ZNF493: variants seen among roughly 807,000 people sequenced by gnomAD.
ZNF493 encodes zinc finger protein 493.
ZNF493 carries 11 observed loss-of-function variants against 12.2 expected under a neutral mutation model. The ratio of observed to expected loss-of-function variants is 0.90; its 90% CI spans 0.57 to 1.50. ZNF493 has a LOEUF of 1.50. ZNF493 is among the 40% of genes most tolerant of loss of function. The pLI, the probability that ZNF493 is intolerant of heterozygous loss-of-function variation, is 0.00. For synonymous variants in ZNF493, 286 were observed against 302.6 expected, an observed-to-expected ratio of 0.95 and a Z score of 0.57; for missense variants, 950 against 906.6, an observed-to-expected ratio of 1.05 and a Z score of -0.61.
At chr19:21,412,346 C>T (rs1364226200) in intron 3 of ZNF493, 2 of 152,328 alleles carry the variant, frequency 1.3e-5, no homozygotes, top group East Asian at 3.9e-4. Context: ...TTAAGAATGC[C>T]TTTAAGTGGT....
intron 1 of ZNF493, among the ~76,000 whole-genome samples, chr19:21,399,333 T>G (rs1974224069): frequency 6.6e-6 from 1 of 151,558 alleles, no homozygotes; most frequent in Middle Eastern, 3.4e-3. Flanking sequence ...GCTAATTTTT[T>G]GTGTTTTTAG....
At chr19:21,411,441 T>C (rs1461908351) in intron 3 of ZNF493, among the ~76,000 whole-genome samples, 2 of 152,096 alleles carry the variant, frequency 1.3e-5, no homozygotes, top group Non-Finnish European at 2.9e-5. Context: ...TTAAGCAGGT[T>C]GGGTGCGCTG....
Position 21,424,187 on chromosome 19 carries a change from A to G in ZNF493, c.1528A>G (p.Ile510Val), listed in dbSNP as rs754718421. 3.7e-6 allele frequency: 6 copies of G among 1,613,498 alleles called. No individual in the cohort carries two copies. The Admixed American group carries it at 8.3e-5, about 22-fold the overall frequency. Residue 510 changes from isoleucine (I) to valine (V), a missense_variant, in exon 4 of 4, where the codon ATT becomes GTT. Coordinates refer to ENST00000392288, the MANE Select transcript of ZNF493 (RefSeq NM_001076678.3). The part of the protein sequence containing the change: ...QSSTLSIHKI[I>V]HTGEKPYKCE... The stretch of plus-strand genomic sequence containing the variant: ...TTCAACCCTTAGTATACATAAAATA[A>G]TTCATACTGGAGAAAAACCCTACAA...
chr19:21,422,423 CTTTATTTATTTATTTATTTA>C (rs56412249), intron 3 of ZNF493, among the ~76,000 whole-genome samples: 10 of 129,494 alleles, frequency 7.7e-5, no homozygotes, highest in Non-Finnish European at 1.3e-4. Context: ...CAAGTTACTT[CTTTATTTATTTATTTATTTA>C]TTTATTTATT....
intron 3 of ZNF493, chr19:21,413,358 G>A: frequency 2.5e-6 from 1 of 401,006 alleles, no homozygotes; most frequent in East Asian, 3.6e-5. Flanking sequence ...AAGTATAATT[G>A]TTCTCTGTGT....
chr19:21,417,601 C>T (rs1599377361), intron 3 of ZNF493, among the ~76,000 whole-genome samples: 1 of 152,148 alleles, frequency 6.6e-6, no homozygotes, highest in East Asian at 1.9e-4. Flanking sequence ...TTATTCTCCA[C>T]ATGAAGTGGT....
At position 21,397,135 on chromosome 19, in the gene ZNF493, T is replaced by C. The variant is rs1225873314; in HGVS notation, c.-103T>C. 1 of 1,370,768 alleles carries C rather than the reference T, an allele frequency of 7.3e-7. No homozygotes were observed. Among genetic ancestry groups the C allele is most frequent in the African/African-American group, 1.4e-5 (1 of 70,662 alleles). 84.9% of individuals were successfully genotyped at this position (1,370,768 alleles called of 1,614,324 possible). A position where few individuals can be genotyped will look rare whatever the true frequency, so the allele number is the denominator to read the frequency against. On this transcript the variant is annotated 5_prime_UTR_variant, in exon 1 of 4. Transcript: ENST00000392288. The stretch of plus-strand genomic sequence containing the variant: ...GGCTTCCGGGATGTGGCTGGGCCAT[T>C]GTTTCTCTCTGCTGCCGGAGCTCCA...
In ZNF493 at chr19:21,423,164, T is replaced by G; in HGVS notation, c.505T>G (p.Ser169Ala). The change falls in exon 4 of 4, where the codon TCA becomes GCA. Residue 169 changes from serine (S) to alanine (A), a missense_variant. Ser to Ala is a moderately conservative substitution (Grantham distance 99). Coordinates refer to ENST00000392288, the MANE Select transcript of ZNF493 (RefSeq NM_001076678.3). ...GAAAGTCTTTCATAAACTTTTAAATTCAAATAGACATAACACAAAACATAC... is the reference window on the plus strand; with the variant it reads ...GAAAGTCTTTCATAAACTTTTAAATGCAAATAGACATAACACAAAACATAC... ...YVKVFHKLLNSNRHNTKHTGK... is the reference protein window; with the variant it reads ...YVKVFHKLLNANRHNTKHTGK... 6.2e-7 allele frequency: 1 copy of G among 1,613,382 alleles called. No homozygotes were observed. The highest frequency in any genetic ancestry group is 8.5e-7 in the Non-Finnish European group (1 of 1,179,744).
At chr19:21,416,954 G>C (rs2030513447) in intron 3 of ZNF493, among the ~76,000 whole-genome samples, 1 of 152,152 alleles carries the variant, frequency 6.6e-6, no homozygotes, top group Admixed American at 6.5e-5. Flanking sequence ...AAGGCAGAAG[G>C]CTCACAGGTT....
intron 3 of ZNF493, among the ~76,000 whole-genome samples, chr19:21,409,191 T>C (rs1428692843): frequency 6.6e-6 from 1 of 152,122 alleles, no homozygotes; most frequent in African/African-American, 2.4e-5. Context: ...GCCTCTTGTA[T>C]ATATTCTTTC....
At chr19:21,407,218 G>A (rs1200685822) in intron 3 of ZNF493, among the ~76,000 whole-genome samples, 1 of 151,750 alleles carries the variant, frequency 6.6e-6, no homozygotes, top group Non-Finnish European at 1.5e-5. Flanking sequence ...GTGTGGCTGT[G>A]GGCACTTGTA....
intron 3 of ZNF493, chr19:21,408,759 A>G (rs1342633075): frequency 3.1e-5 from 31 of 984,678 alleles, no homozygotes; most frequent in Non-Finnish European, 3.6e-5. Flanking sequence ...CTTTATGTCA[A>G]TGTGAGGTTG....
intron 3 of ZNF493, among the ~76,000 whole-genome samples, chr19:21,421,127 A>G (rs1489836474): frequency 2.0e-5 from 3 of 152,122 alleles, no homozygotes; most frequent in Non-Finnish European, 1.5e-5. Context: ...TGTGTTTGAT[A>G]TAAATATCTT....
chr19:21,420,602 T>TAGG (rs1568382437), intron 3 of ZNF493, among the ~76,000 whole-genome samples: 15 of 12,870 alleles, frequency 1.2e-3, no homozygotes, highest in African/African-American at 5.9e-3. Flanking sequence ...TATATATATA[T>TAGG]ATATATATAT....
At chr19:21,397,344 C>G in intron 1 of ZNF493, 77 bp downstream of exon 1, 1 of 1,539,878 alleles carries the variant, frequency 6.5e-7, no homozygotes, top group South Asian at 1.1e-5. Flanking sequence ...TGTGGCGGGA[C>G]TCAGGCCTCC....
At chr19:21,397,876 C>T (rs897282748) in intron 1 of ZNF493, 3 of 153,820 alleles carry the variant, frequency 2.0e-5, no homozygotes, top group Admixed American at 6.5e-5. Flanking sequence ...TGAAAATTTC[C>T]TGGTTATGTA....
At chr19:21,405,088 A>ATGTGTGTG (rs35143973) in intron 1 of ZNF493, 41 bp from the exon 2 acceptor site, 15 of 1,423,692 alleles carry the variant, frequency 1.1e-5, no homozygotes, top group African/African-American at 1.0e-4. Context: ...CCACGTGTAA[A>ATGTGTGTG]TGTGTGTGTG....
At position 21,407,689 on chromosome 19, in the gene ZNF493, C is replaced by G; in HGVS notation, c.253+1833C>G. ...GTTAATTTTATATTTTGTTAATTTA[C>G]TGACTGTATTATTAGTTTAGACAAA... On this transcript the variant is annotated intron_variant, in intron 3 of 3. Transcript: ENST00000392288. The G allele has an allele frequency of 4.1e-6, 4 of 969,860 alleles. No individual in the cohort carries two copies. The South Asian group carries it at 1.9e-4, about 46-fold the overall frequency. The allele number at this position is 969,860 out of a possible 1,614,324, so 60.1% of individuals were successfully genotyped here.
intron 3 of ZNF493, chr19:21,408,553 ACAG>A: frequency 1.0e-6 from 1 of 984,502 alleles, no homozygotes; most frequent in Non-Finnish European, 1.2e-6. Flanking sequence ...GAGTACAGTT[ACAG>A]TCAAATACTG....
Sources: allele counts gnomAD v4.1 joint callset (sites outside exome capture counted in the v4.1 genomes callset), GRCh38; gene constraint gnomAD v4.1.1; transcripts MANE v1.5; gene names NCBI Gene and HGNC (gene_info 2026-07-23, HGNC 2026-07-21).